SYT1: variants seen among roughly 807,000 people sequenced by gnomAD.
The protein encoded by SYT1 is synaptotagmin 1, also known as synaptotagmin-1.
Under a neutral mutation model 44.8 loss-of-function variants are expected in SYT1, and 8 were observed. That is an observed-to-expected ratio of 0.18 (90% confidence interval 0.10 to 0.32). The LOEUF (loss-of-function observed/expected upper bound fraction) is 0.32, where lower values mean the gene tolerates loss of function less well. Among genes scored for constraint, SYT1 ranks in the 10% least tolerant of loss-of-function variants. SYT1 has a pLI of 1.00. For missense variants in SYT1, 286 were observed against 509.3 expected (o/e 0.56, Z 4.22); for synonymous variants, 154 against 188.8 (o/e 0.82, Z 1.51).
intron 9 of SYT1, among the ~76,000 whole-genome samples, chr12:79,383,124 A>C (rs1884294008): frequency 6.6e-6 from 1 of 152,232 alleles, no homozygotes; most frequent in African/African-American, 2.4e-5. Context: ...AGAAATGCAC[A>C]GTTAGGCAAT....
At chr12:79,430,080 A>G (rs1158575360) in intron 9 of SYT1, among the ~76,000 whole-genome samples, 1 of 152,190 alleles carries the variant, frequency 6.6e-6, no homozygotes, top group Admixed American at 6.5e-5. Flanking sequence ...CACTATCCAA[A>G]TATCACTGAA....
chr12:79,390,082 G>A (rs932461200), intron 9 of SYT1, among the ~76,000 whole-genome samples: 4 of 151,844 alleles, frequency 2.6e-5, no homozygotes, highest in Admixed American at 6.6e-5. Context: ...ACAGGCGCCC[G>A]CCACCATGCC....
intron 8 of SYT1, among the ~76,000 whole-genome samples, chr12:79,312,410 T>A (rs1440970657): frequency 6.6e-6 from 1 of 152,252 alleles, no homozygotes; most frequent in African/African-American, 2.4e-5. Flanking sequence ...TGGAAGTTCT[T>A]CCATTTGAAA....
chr12:79,013,091 T>A (rs1019658101), intron 2 of SYT1, among the ~76,000 whole-genome samples: 24 of 152,092 alleles, frequency 1.6e-4, no homozygotes, highest in African/African-American at 5.8e-4. Context: ...CAAAGAAGCC[T>A]ACCTTGATTC....
chr12:79,339,197 C>T (rs1882241774), intron 8 of SYT1, among the ~76,000 whole-genome samples: 1 of 152,138 alleles, frequency 6.6e-6, no homozygotes, highest in African/African-American at 2.4e-5. Context: ...AATGGGATGG[C>T]TGGGTCAAAT....
rs192195309 is a variant in SYT1, at chr12:79,247,487, A to G, written c.166+29802A>G. ...ACACAAGCAAAGTCAGTGATACACA[A>G]TTCTTCCTCATGAGAGAAACAATTT... is the stretch of plus-strand genomic sequence containing the variant. On this transcript the variant is annotated intron_variant, in intron 4 of 10. Transcript: ENST00000261205. 3.0e-3 allele frequency among the ~76,000 whole-genome samples: 464 copies of G among 152,316 alleles called. 2 individuals carry two copies. Among genetic ancestry groups the G allele is most frequent in the African/African-American group, 0.01 (416 of 41,588 alleles).
chr12:79,167,323 A>T (rs545694010), intron 3 of SYT1, among the ~76,000 whole-genome samples: 1 of 152,166 alleles, frequency 6.6e-6, no homozygotes, highest in African/African-American at 2.4e-5. Flanking sequence ...TTTTATGGTT[A>T]AATCTCATTC....
intron 1 of SYT1, among the ~76,000 whole-genome samples, chr12:78,945,795 T>G (rs762219425): frequency 2.4e-4 from 36 of 152,122 alleles, no homozygotes; most frequent in Non-Finnish European, 4.6e-4. Context: ...TCCACCCTTA[T>G]TCAGTCCCTG....
rs1592773002 is a variant in SYT1 at position 79,127,915 on chromosome 12, T to TA, written c.-18+80559dup. ...GGAAATGGAATGCCTGTGCTGATAA[T>TA]AAAAAAGATCATAGATAGATAGATG... On this transcript the variant is annotated intron_variant, in intron 3 of 10. Coordinates refer to ENST00000261205, the MANE Select transcript of SYT1 (RefSeq NM_005639.3). 3.3e-5 allele frequency among the ~76,000 whole-genome samples: 5 copies of TA among 152,204 alleles called. No homozygotes were observed. The East Asian group carries it at 9.7e-4, about 29-fold the overall frequency.
At chr12:79,078,530 GT>G (rs1395043620) in intron 3 of SYT1, among the ~76,000 whole-genome samples, 1 of 151,754 alleles carries the variant, frequency 6.6e-6, no homozygotes, top group African/African-American at 2.4e-5. Context: ...CAACCTCCTT[GT>G]TTTTTTCTTC....
intron 1 of SYT1, among the ~76,000 whole-genome samples, chr12:78,883,539 G>A (rs887522033): frequency 5.3e-5 from 8 of 151,492 alleles, no homozygotes; most frequent in African/African-American, 1.9e-4. Flanking sequence ...AAATCACCAG[G>A]TAGCTCACTG....
At chr12:78,910,174 G>A (rs1351558632) in intron 1 of SYT1, among the ~76,000 whole-genome samples, 6 of 151,960 alleles carry the variant, frequency 3.9e-5, no homozygotes, top group African/African-American at 1.4e-4. Flanking sequence ...CTAAGGAAGG[G>A]CAGTTGTCAT....
intron 1 of SYT1, among the ~76,000 whole-genome samples, chr12:78,903,520 C>T (rs1412592248): frequency 2.6e-5 from 4 of 151,914 alleles, no homozygotes; most frequent in African/African-American, 4.8e-5. Context: ...CTACTGACTT[C>T]GTGATCTGCC....
At chr12:79,179,266 A>T in intron 3 of SYT1, among the ~76,000 whole-genome samples, 1 of 119,820 alleles carries the variant, frequency 8.3e-6, no homozygotes, top group African/African-American at 3.4e-5. Context: ...ATATAGATAT[A>T]TAGATATAGA....
intron 9 of SYT1, among the ~76,000 whole-genome samples, chr12:79,412,938 G>A (rs962503801): frequency 6.6e-6 from 1 of 152,092 alleles, no homozygotes; most frequent in Non-Finnish European, 1.5e-5. Context: ...CACTACTGAA[G>A]TGGAACATTT....
intron 9 of SYT1, among the ~76,000 whole-genome samples, chr12:79,400,005 T>C (rs1213265885): frequency 1.3e-5 from 2 of 152,172 alleles, no homozygotes; most frequent in Non-Finnish European, 2.9e-5. Context: ...ACAAACCAAA[T>C]TGACTTGAGT....
chr12:78,949,215 A>G (rs1878833553), intron 1 of SYT1, among the ~76,000 whole-genome samples: 2 of 151,608 alleles, frequency 1.3e-5, no homozygotes, highest in Admixed American at 1.3e-4. Flanking sequence ...AAAAAGTGCC[A>G]TTGTAGTTGT....
At chr12:79,204,778 C>T (rs1409594611) in intron 3 of SYT1, among the ~76,000 whole-genome samples, 27 of 16,466 alleles carry the variant, frequency 1.6e-3, no homozygotes, top group African/African-American at 8.4e-3. Context: ...CCTGTTGTAA[C>T]TTTTTTTTTT....
At chr12:79,349,019 G>GAAAGAA (rs1882747076) in intron 8 of SYT1, among the ~76,000 whole-genome samples, 1 of 112,376 alleles carries the variant, frequency 8.9e-6, no homozygotes. Context: ...AAGAAAGAAA[G>GAAAGAA]AAAGAAAGAA....
Sources: allele counts gnomAD v4.1 joint callset (sites outside exome capture counted in the v4.1 genomes callset), GRCh38; gene constraint gnomAD v4.1.1; transcripts MANE v1.5; gene names NCBI Gene and HGNC (gene_info 2026-07-23, HGNC 2026-07-21).